The following ABCA4 variants were observed in gnomAD, a reference collection of about 807,000 sequenced individuals.
The protein encoded by ABCA4 is retinal-specific phospholipid-transporting ATPase ABCA4.
A neutral mutation model predicts 263.7 loss-of-function variants in ABCA4; 196 were observed. The observed-to-expected ratio is 0.74, with a 90% CI of 0.66 to 0.84. The LOEUF (loss-of-function observed/expected upper bound fraction) is 0.84, where lower values mean the gene tolerates loss of function less well. Ranked by LOEUF, ABCA4 falls within the 40% of genes least tolerant of loss-of-function variation. The pLI, the probability that ABCA4 is intolerant of heterozygous loss-of-function variation, is 0.00. For synonymous variants in ABCA4, 1,133 were observed against 1,094.2 expected (o/e 1.04, Z -0.70); for missense variants, 2,792 against 2,855.1 (o/e 0.98, Z 0.50).
rs989111628 is a variant in ABCA4, at chr1:94,003,188, T to C, written c.6148-1196A>G. Among the ~76,000 whole-genome samples the C allele has an allele frequency of 6.1e-4, 93 of 152,220 alleles. 2 individuals are homozygous for C. The highest frequency in any genetic ancestry group is 5.9e-3 in the Admixed American group (90 of 15,282). On this transcript the variant is annotated intron_variant, in intron 44 of 49. Transcript: ENST00000370225. ...ACTGTTCATAGTTCAGTTTTGTCAG[T>C]TGGTCCAATAATATCCTTCTATCAT...
intron 17 of ABCA4, among the ~76,000 whole-genome samples, chr1:94,049,176 T>C (rs1180117783): frequency 1.3e-5 from 2 of 152,198 alleles, no homozygotes; most frequent in Non-Finnish European, 2.9e-5. Context: ...CTCCTCTCAA[T>C]GTGCCATGAG....
At chr1:93,998,490 G>A (rs936330198) in intron 47 of ABCA4, among the ~76,000 whole-genome samples, 26 of 151,722 alleles carry the variant, frequency 1.7e-4, no homozygotes, top group African/African-American at 2.4e-4. Flanking sequence ...CAAAAAAACC[G>A]AAAAACAAGA....
intron 26 of ABCA4, among the ~76,000 whole-genome samples, chr1:94,033,752 T>C (rs1660269855): frequency 6.6e-6 from 1 of 151,880 alleles, no homozygotes; most frequent in Non-Finnish European, 1.5e-5. Flanking sequence ...ATGCGAAGGC[T>C]GGGTGGCAGC....
chr1:94,060,038 G>T (rs1661076088), intron 14 of ABCA4, among the ~76,000 whole-genome samples: 1 of 152,122 alleles, frequency 6.6e-6, no homozygotes, highest in Non-Finnish European at 1.5e-5. Flanking sequence ...ATGTTTTTTG[G>T]TGAAGCCATG....
chr1:94,003,038 C>T (rs1376909724), intron 44 of ABCA4, among the ~76,000 whole-genome samples: 3 of 152,184 alleles, frequency 2.0e-5, no homozygotes, highest in South Asian at 2.1e-4. Context: ...GTAAATTACT[C>T]ATCACAGCCC....
Position 94,111,108 on chromosome 1 carries a change from A to G in ABCA4, c.302+330T>C, listed in dbSNP as rs4147810. On this transcript the variant is annotated intron_variant, in intron 3 of 49. Coordinates refer to ENST00000370225, the MANE Select transcript of ABCA4 (RefSeq NM_000350.3). ...GAGGGAACTGAGTTTTTCTCCTACA[A>G]TGATTCACTCCACCCAAGCAGGTCA... 0.16 allele frequency among the ~76,000 whole-genome samples: 24,600 copies of G among 152,124 alleles called. 2,606 individuals carry two copies. Among genetic ancestry groups the G allele is most frequent in the African/African-American group, 0.29 (12,024 of 41,476 alleles).
At chr1:94,009,892 C>T (rs1050296063) in intron 40 of ABCA4, among the ~76,000 whole-genome samples, 1 of 152,224 alleles carries the variant, frequency 6.6e-6, no homozygotes, top group African/African-American at 2.4e-5. Flanking sequence ...CCAAGGACAA[C>T]AATTCCTGAC....
Position 94,103,047 on chromosome 1 carries a change from G to A in ABCA4, c.538C>T (p.Leu180Phe), listed in dbSNP as rs760281123. ...GGACGGACTTGAGAGTTGATCAGAA[G>A]GTAGACCACTGAGTCAGACAGGCCG... ...NIGLSDSVVY[L>F]LINSQVRPEQ... Residue 180 changes from leucine to phenylalanine, a missense_variant, in exon 5 of 50, where the codon CTT becomes TTT. By Grantham distance (22) the Leu-to-Phe change is conservative (BLOSUM62 0). Coordinates refer to ENST00000370225, the MANE Select transcript of ABCA4 (RefSeq NM_000350.3). 2 of 1,614,196 alleles carry A rather than the reference G, an allele frequency of 1.2e-6. No individual in the cohort carries two copies. The highest frequency in any genetic ancestry group is 1.7e-6 in the Non-Finnish European group (2 of 1,180,028).
rs1195202703 is a variant in ABCA4, at chr1:94,001,221, A to G, written c.6283-116T>C. The G allele has an allele frequency of 6.4e-6, 5 of 778,658 alleles. No individual in the cohort carries two copies. In the Admixed American group the frequency reaches 1.0e-4, roughly 16 times the overall value. The allele number at this position is 778,658 out of a possible 1,614,324, so 48.2% of individuals were successfully genotyped here. On this transcript the variant is annotated intron_variant, in intron 45 of 49. Coordinates refer to ENST00000370225, the MANE Select transcript of ABCA4 (RefSeq NM_000350.3). ...GAGCTGACAGAAGGCGCACACAGTC[A>G]CTCCCCTCACTTGAGCAAGACAGGG...
chr1:94,051,573 C>T (rs61754028), intron 17 of ABCA4, 60 bp downstream of exon 17: 20 of 1,442,916 alleles, frequency 1.4e-5, no homozygotes, highest in Non-Finnish European at 1.1e-5. Flanking sequence ...CCATATACAT[C>T]TTGCACAGAG....
Position 94,041,462 on chromosome 1 carries a change from A to C in ABCA4, c.3329-60T>G. 1.9e-6 allele frequency: 3 copies of C among 1,580,324 alleles called. No individual in the cohort carries two copies. In the South Asian group the frequency reaches 3.3e-5, roughly 18 times the overall value. ...GCCCTGGGTTGGGCATTGTTGGTAA[A>C]GGGTGTACAGCAATTTCCTGGCTAT... On this transcript the variant is annotated intron_variant, in intron 22 of 49. Transcript: ENST00000370225.
intron 44 of ABCA4, among the ~76,000 whole-genome samples, chr1:94,004,895 A>G (rs1659329600): frequency 2.0e-5 from 3 of 152,150 alleles, no homozygotes; most frequent in Non-Finnish European, 4.4e-5. Flanking sequence ...TCTTTCTTAC[A>G]TACAAAGTAG....
rs1273092339 is a variant in ABCA4 at position 94,023,494 on chromosome 1, A to AT, written c.4635-77dup. The AT allele has an allele frequency of 3.9e-6, 5 of 1,289,876 alleles. No homozygotes were observed. In the African/African-American group the frequency reaches 7.3e-5, roughly 19 times the overall value. 79.9% of individuals were successfully genotyped at this position (1,289,876 alleles called of 1,614,324 possible). A position where few individuals can be genotyped will look rare whatever the true frequency, so the allele number is the denominator to read the frequency against. On this transcript the variant is annotated intron_variant, in intron 31 of 49. Coordinates refer to ENST00000370225, the MANE Select transcript of ABCA4 (RefSeq NM_000350.3). ...CGTTAACTTTCTTTCCCAAACATTC[A>AT]TTTTGAAGACTGAAGTCTCAGTCTT...
intron 47 of ABCA4, among the ~76,000 whole-genome samples, chr1:93,999,039 C>T (rs1659101380): frequency 1.3e-5 from 2 of 151,174 alleles, no homozygotes; most frequent in African/African-American, 2.4e-5. Context: ...GCATGAGCCA[C>T]CACGCCCAGC....
intron 40 of ABCA4, among the ~76,000 whole-genome samples, chr1:94,009,361 AAC>A (rs1659485315): frequency 1.3e-5 from 2 of 152,038 alleles, no homozygotes; most frequent in Admixed American, 1.3e-4. Flanking sequence ...ACCTTTCCAA[AAC>A]AGAGTTGTCA....
chr1:94,100,218 G>A (rs540785432), intron 5 of ABCA4, among the ~76,000 whole-genome samples: 3 of 152,238 alleles, frequency 2.0e-5, no homozygotes, highest in African/African-American at 7.2e-5. Flanking sequence ...TCGATCTCAG[G>A]GACCCATAAA....
chr1:94,029,600 T>C lies in ABCA4; in HGVS notation c.4384A>G (p.Lys1462Glu). The part of the protein sequence containing the change: ...EYPCGNSTPW[K>E]TPSVSPNITQ... ...ATGTTTGGGGACACAGAAGGAGTCT[T>C]CCAGGGTGTTGAGTTGCCACAGGGG... is the stretch of plus-strand genomic sequence containing the variant. The change falls in exon 30 of 50, where the codon AAG becomes GAG. Residue 1462 changes from lysine (K) to glutamate (E), a missense_variant. Physicochemically the swap from Lys to Glu is moderately conservative, Grantham distance 56. Transcript: ENST00000370225. The C allele has an allele frequency of 6.2e-7, 1 of 1,614,000 alleles. No individual in the cohort carries two copies. Among genetic ancestry groups the C allele is most frequent in the Non-Finnish European group, 8.5e-7 (1 of 1,179,936 alleles).
intron 11 of ABCA4, among the ~76,000 whole-genome samples, chr1:94,070,328 CTT>C (rs1557790941): frequency 6.6e-6 from 1 of 152,116 alleles, no homozygotes; most frequent in Non-Finnish European, 1.5e-5. Flanking sequence ...ATAGGTGAAG[CTT>C]TTGCAAGCCG....
In ABCA4 at chr1:94,107,957, T is replaced by A. The variant is rs114199511; in HGVS notation, c.442+620A>T. 2.5e-3 allele frequency among the ~76,000 whole-genome samples: 379 copies of A among 152,218 alleles called. 7 individuals carry two copies. The highest frequency in any genetic ancestry group is 8.6e-3 in the African/African-American group (359 of 41,518). On this transcript the variant is annotated intron_variant, in intron 4 of 49. Coordinates refer to ENST00000370225, the MANE Select transcript of ABCA4 (RefSeq NM_000350.3). ...TCATCTGCCTTCTCATCCTTCCTCGTGCAGCCTGGACTTGATGCATGTAGT... is the reference window on the plus strand; with the variant it reads ...TCATCTGCCTTCTCATCCTTCCTCGAGCAGCCTGGACTTGATGCATGTAGT...
Sources: gnomAD v4.1 joint callset for allele counts (sites outside exome capture counted in the v4.1 genomes callset) on GRCh38, gnomAD v4.1.1 for gene constraint, MANE v1.5 for transcripts, NCBI Gene and HGNC (gene_info 2026-07-23, HGNC 2026-07-21) for gene names.